GK: variants seen among roughly 807,000 people sequenced by gnomAD.
GK encodes glycerol kinase.
GK carries 9 observed loss-of-function variants against 56.4 expected under a neutral mutation model. That is an observed-to-expected ratio of 0.16 (90% CI 0.10 to 0.28). The LOEUF is 0.28. Among genes scored for constraint, GK ranks in the 10% least tolerant of loss-of-function variants. The probability of loss-of-function intolerance (pLI) is 1.00; values close to 1 mark genes in which losing one functional copy is unlikely to be tolerated. For synonymous variants in GK, 104 were observed against 144.1 expected, an observed-to-expected ratio of 0.72 and a Z score of 1.99; for missense variants, 161 against 431.4, an observed-to-expected ratio of 0.37 and a Z score of 5.55.
intron 13 of GK, 123 bp from the exon 14 acceptor site, chrX:30,718,415 G>T: frequency 2.0e-6 from 1 of 511,523 alleles, no homozygotes; most frequent in Non-Finnish European, 3.5e-6. Flanking sequence ...TTACATATTT[G>T]TCGGAGTCTC....
chrX:30,673,700 C>A (rs915558762), intron 3 of GK, among the ~76,000 whole-genome samples: 1 of 111,521 alleles, frequency 9.0e-6, no homozygotes, highest in Admixed American at 9.6e-5. Context: ...CAGGGAGGAA[C>A]CCGTGACTGA....
intron 13 of GK, among the ~76,000 whole-genome samples, chrX:30,713,064 G>A (rs777393951): frequency 5.4e-5 from 6 of 111,378 alleles, no homozygotes; most frequent in East Asian, 5.6e-4. Flanking sequence ...AGATTTCTTC[G>A]TATAGTTTAG....
chrX:30,716,521 T>C (rs1028927379), intron 13 of GK, among the ~76,000 whole-genome samples: 1 of 112,030 alleles, frequency 8.9e-6, no homozygotes, highest in Non-Finnish European at 1.9e-5. Context: ...TTAAATAAAA[T>C]ATTAATTTTA....
intron 1 of GK, among the ~76,000 whole-genome samples, chrX:30,662,788 T>TC: frequency 5.9e-5 from 6 of 101,903 alleles, no homozygotes; most frequent in Admixed American, 1.1e-4. Flanking sequence ...TCTCTCTCTC[T>TC]TTCTTTCCTT....
intron 1 of GK, among the ~76,000 whole-genome samples, chrX:30,655,119 T>C (rs763791220): frequency 7.1e-5 from 8 of 111,949 alleles, no homozygotes; most frequent in Non-Finnish European, 1.5e-4. Flanking sequence ...TACCCTGGTT[T>C]GAGCTGCCAA....
At chrX:30,680,406 G>A (rs1474962049) in intron 4 of GK, among the ~76,000 whole-genome samples, 1 of 112,019 alleles carries the variant, frequency 8.9e-6, no homozygotes, top group African/African-American at 3.2e-5. Context: ...CAACCTTAAA[G>A]CTTGTGTTCT....
At chrX:30,693,899 A>G (rs1230789734) in intron 5 of GK, among the ~76,000 whole-genome samples, 1 of 111,759 alleles carries the variant, frequency 8.9e-6, no homozygotes, top group Non-Finnish European at 1.9e-5. Flanking sequence ...AGTGTCTACT[A>G]ATTTCATGTT....
intron 9 of GK, among the ~76,000 whole-genome samples, chrX:30,699,451 G>A (rs1342316931): frequency 6.1e-5 from 6 of 97,718 alleles, no homozygotes; most frequent in African/African-American, 1.5e-4. Flanking sequence ...CTGCAACCCC[G>A]CCTCCTGAGT....
At chrX:30,704,577 C>CTT (rs35183149) in intron 11 of GK, among the ~76,000 whole-genome samples, 8 of 99,747 alleles carry the variant, frequency 8.0e-5, no homozygotes, top group African/African-American at 2.9e-4. Flanking sequence ...CGTTTGGTGA[C>CTT]TTTTTTTTTT....
chrX:30,720,760 C>G lies in GK; in HGVS notation c.1357+19C>G. The G allele has an allele frequency of 8.3e-7, 1 of 1,208,204 alleles. No homozygotes were observed. Among genetic ancestry groups the G allele is most frequent in the Middle Eastern group, 2.3e-4 (1 of 4,340 alleles). ...CCAGTAGGTTAGTAAGTCTTCATTC[C>G]TTTAAACTCCCAGAGTAATGTTTCT... On this transcript the variant is annotated intron_variant, in intron 17 of 20. Transcript: ENST00000427190.
In GK at chrX:30,728,981, CA is replaced by C. The variant is rs1937254345; in HGVS notation, c.*240del. 2.6e-6 allele frequency: 1 copy of C among 388,263 alleles called. No individual in the cohort carries two copies. Among genetic ancestry groups the C allele is most frequent in the Non-Finnish European group, 4.5e-6 (1 of 223,961 alleles). The allele number at this position is 388,263 out of a possible 1,213,427, so 32.0% of individuals were successfully genotyped here. A position where few individuals can be genotyped will look rare whatever the true frequency, so the allele number is the denominator to read the frequency against. ...TAAACATCCACAGTTAAGGTTGGGC[CA>C]GCTACCTTTGGGGCTGACCCCCTCC... On this transcript the variant is annotated 3_prime_UTR_variant, in exon 21 of 21. Transcript: ENST00000427190.
At chrX:30,703,084 C>A (rs752330943) in intron 11 of GK, among the ~76,000 whole-genome samples, 1 of 111,845 alleles carries the variant, frequency 8.9e-6, no homozygotes, top group South Asian at 3.7e-4. Flanking sequence ...AGAAAAGTCA[C>A]AAAAGATTAT....
rs1323652543 is a variant in GK at position 30,707,553 on chromosome X, T to C, written c.852-3T>C. 3 of 1,084,667 alleles carry C rather than the reference T, an allele frequency of 2.8e-6. No homozygotes were observed. Among genetic ancestry groups the C allele is most frequent in the Non-Finnish European group, 1.3e-6 (1 of 781,950 alleles). 89.4% of individuals were successfully genotyped at this position (1,084,667 alleles called of 1,213,427 possible). A position where few individuals can be genotyped will look rare whatever the true frequency, so the allele number is the denominator to read the frequency against. On this transcript the variant is annotated splice_region_variant and splice_polypyrimidine_tract_variant and intron_variant, in intron 11 of 20. Coordinates refer to ENST00000427190, the MANE Select transcript of GK (RefSeq NM_001205019.2). ...TTACTATTCATTCTCCCTTCAACCA[T>C]AGGTATGGAACAGGATGTTTCTTAC...
Position 30,729,115 on chromosome X carries a change from G to T in GK, c.*373G>T. ...CTCAAACACTTTTGGACCAGGATTT[G>T]AGTCTCTGCATGACATATACTTGAT... On this transcript the variant is annotated 3_prime_UTR_variant, in exon 21 of 21. Coordinates refer to ENST00000427190, the MANE Select transcript of GK (RefSeq NM_001205019.2). 1 of 222,615 alleles carries T rather than the reference G, an allele frequency of 4.5e-6. No homozygotes were observed. Among genetic ancestry groups the T allele is most frequent in the East Asian group, 8.9e-5 (1 of 11,230 alleles). The allele number at this position is 222,615 out of a possible 1,213,427, so 18.3% of individuals were successfully genotyped here. A position where few individuals can be genotyped will look rare whatever the true frequency, so the allele number is the denominator to read the frequency against.
chrX:30,696,290 T>C (rs1935229996), intron 7 of GK, 139 bp downstream of exon 7: 1 of 490,863 alleles, frequency 2.0e-6, no homozygotes, highest in African/African-American at 2.4e-5. Flanking sequence ...ATCTATGTTA[T>C]GTGTTTTTTA....
At chrX:30,658,073 C>G (rs772373789) in intron 1 of GK, among the ~76,000 whole-genome samples, 1 of 111,600 alleles carries the variant, frequency 9.0e-6, no homozygotes, top group Non-Finnish European at 1.9e-5. Flanking sequence ...TAAAGAATGA[C>G]TAGAATTGTA....
At chrX:30,685,068 A>G (rs1934516676) in intron 4 of GK, among the ~76,000 whole-genome samples, 1 of 112,536 alleles carries the variant, frequency 8.9e-6, no homozygotes, top group Admixed American at 9.4e-5. Context: ...AAAACCATAG[A>G]TGACAAACCA....
At chrX:30,696,918 A>G (rs910924033) in intron 8 of GK, 6 of 378,604 alleles carry the variant, frequency 1.6e-5, no homozygotes, top group Non-Finnish European at 2.3e-5. Flanking sequence ...AATTGATGGG[A>G]TACTCTAACT....
intron 6 of GK, chrX:30,695,275 C>A: frequency 2.5e-6 from 1 of 396,669 alleles, no homozygotes; most frequent in Non-Finnish European, 3.6e-6. Flanking sequence ...ATGTGCTTGG[C>A]CAGGGCAGAA....
Sources: gnomAD v4.1 joint callset for allele counts (sites outside exome capture counted in the v4.1 genomes callset) on GRCh38, gnomAD v4.1.1 for gene constraint, MANE v1.5 for transcripts, NCBI Gene and HGNC (gene_info 2026-07-23, HGNC 2026-07-21) for gene names.